The following PTPRM variants were observed in gnomAD, a reference collection of about 807,000 sequenced individuals.
PTPRM encodes the protein protein tyrosine phosphatase receptor type M, also known as receptor-type tyrosine-protein phosphatase mu.
A neutral mutation model predicts 186.7 loss-of-function variants in PTPRM; 47 were observed. The ratio of observed to expected loss-of-function variants is 0.25; its 90% CI spans 0.20 to 0.32. The LOEUF is 0.32. Among genes scored for constraint, PTPRM ranks in the 10% least tolerant of loss-of-function variants. The pLI is 1.00. For synonymous variants in PTPRM, 668 were observed against 674.9 expected, an observed-to-expected ratio of 0.99 and a Z score of 0.16; for missense variants, 1,494 against 1,865.0, an observed-to-expected ratio of 0.80 and a Z score of 3.66.
At position 8,314,848 on chromosome 18, in the gene PTPRM, T is replaced by C; in HGVS notation, c.2910T>C (p.Asn970=). 1.3e-6 allele frequency: 2 copies of C among 1,590,582 alleles called. No homozygotes were observed. Among genetic ancestry groups the C allele is most frequent in the Non-Finnish European group, 1.7e-6 (2 of 1,159,926 alleles). The part of the protein sequence containing the change: ...GDTNSDYING[N]YIDGYHRPNH... ...CAAACTCAGACTATATCAATGGCAA[T>C]TATATCGATGTATGTATTTTATTAT... is the stretch of plus-strand genomic sequence containing the variant. The change falls in exon 21 of 33, where the codon AAT becomes AAC. Residue 970 remains asparagine, a synonymous_variant. Coordinates refer to ENST00000580170, the MANE Select transcript of PTPRM (RefSeq NM_001105244.2).
At chr18:8,221,222 T>C (rs1463534689) in intron 14 of PTPRM, among the ~76,000 whole-genome samples, 2 of 152,134 alleles carry the variant, frequency 1.3e-5, no homozygotes, top group South Asian at 2.1e-4. Context: ...ACTCACCCAT[T>C]TCCCTGTGTT....
At chr18:7,814,617 C>T (rs2145527262) in intron 2 of PTPRM, 1 of 152,128 alleles carries the variant, frequency 6.6e-6, no homozygotes, top group East Asian at 1.9e-4. Flanking sequence ...GTCAGTTGGG[C>T]TCTTATATGT....
At chr18:7,607,357 A>G (rs1203037038) in intron 1 of PTPRM, among the ~76,000 whole-genome samples, 1 of 152,100 alleles carries the variant, frequency 6.6e-6, no homozygotes, top group Non-Finnish European at 1.5e-5. Context: ...ATAAATTGTG[A>G]TAAGAACGAC....
At chr18:8,242,258 C>A (rs1455564409) in intron 14 of PTPRM, among the ~76,000 whole-genome samples, 1 of 152,200 alleles carries the variant, frequency 6.6e-6, no homozygotes, top group Admixed American at 6.5e-5. Flanking sequence ...AAAAAGAAGG[C>A]ATTTTGCCTG....
At chr18:8,088,599 A>G (rs491890) in intron 10 of PTPRM, 150 bp from the exon 11 acceptor site, 361,885 of 630,146 alleles carry the variant, frequency 0.57, 106,609 homozygotes, top group Non-Finnish European at 0.63. Context: ...TATGTAGGGA[A>G]TATATGTGAA....
chr18:7,998,370 A>T (rs988003543), intron 7 of PTPRM, among the ~76,000 whole-genome samples: 1 of 152,090 alleles, frequency 6.6e-6, no homozygotes, highest in Non-Finnish European at 1.5e-5. Flanking sequence ...GTTACCAGAG[A>T]CTGAGAAGGG....
At chr18:7,696,544 A>G (rs2039848201) in intron 1 of PTPRM, among the ~76,000 whole-genome samples, 2 of 152,202 alleles carry the variant, frequency 1.3e-5, no homozygotes, top group South Asian at 4.1e-4. Flanking sequence ...GTACCATATA[A>G]GAATTATTTG....
At chr18:8,245,867 G>A (rs2094472541) in intron 15 of PTPRM, among the ~76,000 whole-genome samples, 1 of 152,178 alleles carries the variant, frequency 6.6e-6, no homozygotes, top group Admixed American at 6.5e-5. Context: ...TTCACTTCTG[G>A]ACAGGAAGTT....
chr18:8,278,154 T>A (rs1222324192), intron 19 of PTPRM, among the ~76,000 whole-genome samples: 6 of 152,204 alleles, frequency 3.9e-5, no homozygotes. Context: ...CTCAAATGGA[T>A]CTAATGAGAA....
intron 7 of PTPRM, among the ~76,000 whole-genome samples, chr18:7,962,866 C>T (rs1383268967): frequency 3.9e-5 from 6 of 152,204 alleles, no homozygotes; most frequent in Non-Finnish European, 8.8e-5. Flanking sequence ...AGTATCTGGA[C>T]TTACAGGGCT....
intron 7 of PTPRM, among the ~76,000 whole-genome samples, chr18:7,999,018 G>C (rs185839498): frequency 1.3e-5 from 2 of 152,134 alleles, no homozygotes. Context: ...TTTATAATTT[G>C]TATTCATTCC....
intron 7 of PTPRM, among the ~76,000 whole-genome samples, chr18:8,041,341 C>A (rs983766536): frequency 1.3e-5 from 2 of 152,074 alleles, no homozygotes; most frequent in African/African-American, 4.8e-5. Context: ...CCATTTTACT[C>A]TTTCAGCTCC....
chr18:7,975,038 T>G (rs2054839282), intron 7 of PTPRM, among the ~76,000 whole-genome samples: 1 of 152,214 alleles, frequency 6.6e-6, no homozygotes, highest in South Asian at 2.1e-4. Flanking sequence ...TGAAAACCAC[T>G]GATTTGCAAT....
At chr18:7,891,757 C>A (rs2049095649) in intron 3 of PTPRM, among the ~76,000 whole-genome samples, 2 of 152,162 alleles carry the variant, frequency 1.3e-5, no homozygotes, top group South Asian at 2.1e-4. Flanking sequence ...TGCCCGTAGT[C>A]CCAGCCACTT....
At chr18:7,952,479 A>T (rs2147089951) in intron 6 of PTPRM, among the ~76,000 whole-genome samples, 1 of 151,986 alleles carries the variant, frequency 6.6e-6, no homozygotes, top group South Asian at 2.1e-4. Flanking sequence ...CGGGTGGATC[A>T]CAAGGTCAGG....
chr18:8,082,258 A>G (rs2090166667), intron 9 of PTPRM, among the ~76,000 whole-genome samples: 1 of 152,230 alleles, frequency 6.6e-6, no homozygotes, highest in African/African-American at 2.4e-5. Flanking sequence ...TGGTATATTT[A>G]AATCATGATT....
At chr18:7,816,649 A>G (rs894017744) in intron 2 of PTPRM, among the ~76,000 whole-genome samples, 3 of 152,160 alleles carry the variant, frequency 2.0e-5, no homozygotes, top group Admixed American at 6.5e-5. Flanking sequence ...TTCATTCTAC[A>G]TCCTCCATTG....
At chr18:7,954,995 A>C (rs2053219540) in intron 6 of PTPRM, 126 bp from the exon 7 acceptor site, 1 of 1,052,790 alleles carries the variant, frequency 9.5e-7, no homozygotes, top group Non-Finnish European at 1.3e-6. Context: ...ACCCAAACAA[A>C]ATTTTTCTCA....
chr18:7,949,181 GGCATT>G lies in PTPRM; in HGVS notation c.666_670del (p.Ile223CysfsTer22). 6.2e-7 allele frequency: 1 copy of G among 1,600,006 alleles called. No individual in the cohort carries two copies. Among genetic ancestry groups the G allele is most frequent in the Non-Finnish European group, 8.6e-7 (1 of 1,168,044 alleles). On this transcript the variant is annotated frameshift_variant and splice_region_variant, in exon 6 of 33. Transcript: ENST00000580170. LOFTEE classifies it high-confidence loss of function. ...GTCCTCCCCACCCCACTTGATACAG[GGCATT>G]GATGTGCGAGATGCTCCTCTGAAGG...
Sources: allele counts gnomAD v4.1 joint callset (sites outside exome capture counted in the v4.1 genomes callset), GRCh38; gene constraint gnomAD v4.1.1; transcripts MANE v1.5; gene names NCBI Gene and HGNC (gene_info 2026-07-23, HGNC 2026-07-21).